ATRNL1: variants seen among roughly 807,000 people sequenced by gnomAD.
ATRNL1 encodes attractin like 1, also known as attractin-like protein 1.
In ATRNL1, 95 loss-of-function variants were observed where a neutral mutation model predicts 182.7. The observed-to-expected ratio is 0.52, with a 90% CI of 0.44 to 0.62. The LOEUF (loss-of-function observed/expected upper bound fraction) is 0.62, where lower values mean the gene tolerates loss of function less well. Ranked by LOEUF, ATRNL1 falls within the 20% of genes least tolerant of loss-of-function variation. ATRNL1 has a pLI of 0.00. For synonymous variants in ATRNL1, 576 were observed against 568.3 expected (o/e 1.01, Z -0.19); for missense variants, 1,471 against 1,679.5 (o/e 0.88, Z 2.17).
chr10:115,219,497 G>C (rs946379001), intron 9 of ATRNL1, among the ~76,000 whole-genome samples: 2 of 152,144 alleles, frequency 1.3e-5, no homozygotes, highest in African/African-American at 4.8e-5. Flanking sequence ...AGTCATGGCA[G>C]ATACTCCATT....
At chr10:115,524,823 AAC>A (rs1851126649) in intron 25 of ATRNL1, among the ~76,000 whole-genome samples, 1 of 151,898 alleles carries the variant, frequency 6.6e-6, no homozygotes, top group African/African-American at 2.4e-5. Flanking sequence ...CCACCCCATG[AAC>A]ACCCCAACTC....
At chr10:115,580,562 T>C (rs1555006943) in intron 26 of ATRNL1, among the ~76,000 whole-genome samples, 1 of 152,144 alleles carries the variant, frequency 6.6e-6, no homozygotes, top group East Asian at 1.9e-4. Flanking sequence ...TGTGTTTCAG[T>C]GTGGAACTCT....
chr10:115,777,777 T>C (rs941724964), intron 27 of ATRNL1, among the ~76,000 whole-genome samples: 1 of 152,018 alleles, frequency 6.6e-6, no homozygotes, highest in East Asian at 1.9e-4. Context: ...GGAAGAAATA[T>C]GCAACCCTTG....
At chr10:115,214,288 C>G (rs895800681) in intron 8 of ATRNL1, among the ~76,000 whole-genome samples, 2 of 139,024 alleles carry the variant, frequency 1.4e-5, no homozygotes, top group Non-Finnish European at 3.1e-5. Context: ...ATGAATAAAA[C>G]TATGAAAATC....
chr10:115,682,090 T>C (rs2133951752), intron 26 of ATRNL1, among the ~76,000 whole-genome samples: 1 of 152,278 alleles, frequency 6.6e-6, no homozygotes, highest in South Asian at 2.1e-4. Context: ...GCTGTGAAAA[T>C]AAAACTCTGT....
At position 115,268,408 on chromosome 10, in the gene ATRNL1, C is replaced by G. The variant is rs371391451; in HGVS notation, c.2064C>G (p.Asp688Glu). The G allele has an allele frequency of 3.8e-5, 61 of 1,613,240 alleles. No individual in the cohort carries two copies. The highest frequency in any genetic ancestry group is 4.9e-5 in the Non-Finnish European group (58 of 1,179,528). ...ANTNGCQWCD[D>E]KKCISANSNC... ...CAAATGGGTGCCAATGGTGTGATGA[C>G]AAGAAATGCATTTCGGCAAATAGTA... is the stretch of plus-strand genomic sequence containing the variant. The change falls in exon 13 of 29, where the codon GAC becomes GAG. Residue 688 changes from aspartate to glutamate, a missense_variant. By Grantham distance (45) the Asp-to-Glu change is conservative (BLOSUM62 2). This residue lies in a region of ATRNL1 where 1,031 missense variants were observed against 1,156.0 expected (regional missense o/e 0.89). Transcript: ENST00000355044.
chr10:115,902,656 G>A (rs1413593906), intron 28 of ATRNL1, among the ~76,000 whole-genome samples: 1 of 152,196 alleles, frequency 6.6e-6, no homozygotes, highest in East Asian at 1.9e-4. Flanking sequence ...TCACAAATGT[G>A]TTTTCCCCCT....
At chr10:115,918,665 A>G (rs568065285) in intron 28 of ATRNL1, among the ~76,000 whole-genome samples, 4 of 152,220 alleles carry the variant, frequency 2.6e-5, no homozygotes, top group Non-Finnish European at 5.9e-5. Flanking sequence ...CTTCAGTGGT[A>G]ACTGCTAAAA....
chr10:115,623,718 G>A (rs2133811758), intron 26 of ATRNL1, among the ~76,000 whole-genome samples: 2 of 152,068 alleles, frequency 1.3e-5, no homozygotes, highest in East Asian at 3.9e-4. Context: ...AAATGAGAGA[G>A]ACTGGCTAGA....
chr10:115,302,177 C>G, intron 17 of ATRNL1, 134 bp downstream of exon 17: 1 of 794,722 alleles, frequency 1.3e-6, no homozygotes, highest in Middle Eastern at 3.3e-4. Context: ...CTTTTGAAAC[C>G]AACTGGTACT....
At chr10:115,436,368 C>CT (rs1418792106) in intron 21 of ATRNL1, among the ~76,000 whole-genome samples, 6 of 151,964 alleles carry the variant, frequency 3.9e-5, no homozygotes, top group Admixed American at 1.3e-4. Flanking sequence ...ATCATCCATT[C>CT]TTATGTATTT....
chr10:115,557,213 T>C (rs1467470276), intron 26 of ATRNL1, among the ~76,000 whole-genome samples: 1 of 152,142 alleles, frequency 6.6e-6, no homozygotes, highest in Non-Finnish European at 1.5e-5. Flanking sequence ...GTTTGGTACA[T>C]CTACTAGACA....
chr10:115,921,658 G>A (rs1953067312), intron 28 of ATRNL1, among the ~76,000 whole-genome samples: 1 of 152,140 alleles, frequency 6.6e-6, no homozygotes, highest in East Asian at 1.9e-4. Flanking sequence ...AGATTGCTCA[G>A]GTGTTGAGAA....
intron 5 of ATRNL1, among the ~76,000 whole-genome samples, chr10:115,156,242 G>A (rs1846512886): frequency 6.6e-6 from 1 of 152,112 alleles, no homozygotes; most frequent in South Asian, 2.1e-4. Flanking sequence ...TATTCAGTTT[G>A]TTTGTGGGTT....
intron 26 of ATRNL1, among the ~76,000 whole-genome samples, chr10:115,655,369 T>C (rs546573540): frequency 6.7e-4 from 102 of 152,346 alleles, no homozygotes; most frequent in African/African-American, 2.4e-3. Context: ...TCCTTGGTAA[T>C]AGGCATATGT....
chr10:115,837,155 G>A (rs1555095743), intron 27 of ATRNL1, among the ~76,000 whole-genome samples: 3 of 152,086 alleles, frequency 2.0e-5, no homozygotes, highest in African/African-American at 7.2e-5. Context: ...TGATGTGGTA[G>A]TTGAGTTCAC....
chr10:115,456,629 A>G (rs1285604266), intron 21 of ATRNL1, among the ~76,000 whole-genome samples: 1 of 152,208 alleles, frequency 6.6e-6, no homozygotes, highest in Non-Finnish European at 1.5e-5. Flanking sequence ...AACTTAAAGT[A>G]TAATAATAAA....
intron 10 of ATRNL1, among the ~76,000 whole-genome samples, chr10:115,257,002 T>C (rs573876341): frequency 2.0e-5 from 3 of 152,302 alleles, no homozygotes; most frequent in Admixed American, 6.5e-5. Flanking sequence ...AGACAGTTTT[T>C]TTGTGATTTC....
At chr10:115,646,900 C>T (rs1859651478) in intron 26 of ATRNL1, among the ~76,000 whole-genome samples, 2 of 150,700 alleles carry the variant, frequency 1.3e-5, no homozygotes, top group South Asian at 2.1e-4. Context: ...CCCATTAACT[C>T]GTCATTTACA....
Sources: gnomAD v4.1 joint callset for allele counts (sites outside exome capture counted in the v4.1 genomes callset) on GRCh38, gnomAD v4.1.1 for gene constraint, gnomAD v4.1.1 regional missense constraint, MANE v1.5 for transcripts, NCBI Gene and HGNC (gene_info 2026-07-23, HGNC 2026-07-21) for gene names.